The following COL3A1 variants were observed in gnomAD, a reference collection of about 807,000 sequenced individuals.
The protein encoded by COL3A1 is collagen type III alpha 1 chain, also known as collagen alpha-1(III) chain.
A neutral mutation model predicts 200.9 loss-of-function variants in COL3A1; 46 were observed. That is an observed-to-expected ratio of 0.23 (90% CI 0.18 to 0.29). The LOEUF is 0.29. COL3A1 is among the 10% of genes least tolerant of loss of function. The pLI is 1.00. For missense variants in COL3A1, 1,367 were observed against 1,917.6 expected, an observed-to-expected ratio of 0.71 and a Z score of 5.36; for synonymous variants, 650 against 628.0, an observed-to-expected ratio of 1.03 and a Z score of -0.52.
chr2:188,992,970 A>C (rs1004589157), intron 15 of COL3A1, 30 bp downstream of exon 15: 2 of 1,605,516 alleles, frequency 1.2e-6, no homozygotes, highest in Admixed American at 3.3e-5. Context: ...GAAGGGTATA[A>C]AAATATCTTG....
At chr2:189,010,101 C>T in intron 48 of COL3A1, 77 bp from the exon 49 acceptor site, 1 of 1,416,772 alleles carries the variant, frequency 7.1e-7, no homozygotes, top group Non-Finnish European at 1.0e-6. Flanking sequence ...TTATGAATGC[C>T]TTTACAGGTA....
chr2:189,003,334 G>A (rs1228395103), intron 36 of COL3A1, 77 bp from the exon 37 acceptor site: 4 of 1,312,658 alleles, frequency 3.0e-6, no homozygotes, highest in Non-Finnish European at 3.3e-6. Flanking sequence ...AGAGTTCCTG[G>A]TTTTCAAAGG....
rs1400905113 is a variant in COL3A1 at position 189,007,622 on chromosome 2, T to C, written c.3363+15T>C. 1 of 1,598,806 alleles carries C rather than the reference T, an allele frequency of 6.3e-7. No individual in the cohort carries two copies. The highest frequency in any genetic ancestry group is 1.7e-5 in the Admixed American group (1 of 59,122). Reference sequence around the variant, plus strand: ...CAGGTTCTCCAGTAAGTGCATTCATTTTGTTGGAAAATCCCTTCAATGTAT... The same window carrying C: ...CAGGTTCTCCAGTAAGTGCATTCATCTTGTTGGAAAATCCCTTCAATGTAT... On this transcript the variant is annotated intron_variant, in intron 45 of 50. Transcript: ENST00000304636.
chr2:189,000,847 TTAAG>T (rs1435026332), intron 32 of COL3A1, among the ~76,000 whole-genome samples: 4 of 152,180 alleles, frequency 2.6e-5, no homozygotes, highest in African/African-American at 9.6e-5. Flanking sequence ...ATGATTATAA[TTAAG>T]TCTTTTAATA....
chr2:189,001,281 T>C, intron 32 of COL3A1, 116 bp from the exon 33 acceptor site: 1 of 1,010,762 alleles, frequency 9.9e-7, no homozygotes, highest in East Asian at 2.5e-5. Flanking sequence ...ATAAAAATTT[T>C]TAAAAAGTAT....
chr2:189,001,169 A>G (rs182488406), intron 32 of COL3A1, among the ~76,000 whole-genome samples: 2 of 152,272 alleles, frequency 1.3e-5, no homozygotes, highest in East Asian at 3.9e-4. Flanking sequence ...TCAATAAACT[A>G]TTGCTGAATC....
In COL3A1 at chr2:188,994,076, C is replaced by A. The variant is rs745743884; in HGVS notation, c.1188C>A (p.Gly396=). The change falls in exon 17 of 51, where the codon GGC becomes GGA. Residue 396 remains glycine (G), a synonymous_variant. Coordinates refer to ENST00000304636, the MANE Select transcript of COL3A1 (RefSeq NM_000090.4). The surrounding 1 kb of genome is among the most constrained non-coding windows in gnomAD (Gnocchi z 4.5). ...TTAATGGTAGTCCTGGTGGTAAAGG[C>A]GAAATGGTAAGCTGTCCCCACTCCT... is the stretch of plus-strand genomic sequence containing the variant. The part of the protein sequence containing the change: ...PGINGSPGGK[G]EMGPAGIPGA... The A allele has an allele frequency of 1.9e-6, 3 of 1,614,044 alleles. No homozygotes were observed. Among genetic ancestry groups the A allele is most frequent in the African/African-American group, 1.3e-5 (1 of 75,016 alleles).
chr2:188,990,385 A>G lies in COL3A1; in HGVS notation c.798+25A>G, dbSNP rs200056946. The G allele has an allele frequency of 3.1e-6, 5 of 1,602,166 alleles. No individual in the cohort carries two copies. The East Asian group carries it at 6.7e-5, about 21-fold the overall frequency. On this transcript the variant is annotated intron_variant, in intron 10 of 50. Transcript: ENST00000304636. ...AGTAAGTAGAGTTTCTAAGTTGTTT[A>G]CAAGGTATTCCACTGGGCTATGTTT...
rs750772297 is a variant in COL3A1 at position 189,010,239 on chromosome 2, T to G, written c.3885T>G (p.Asn1295Lys). Residue 1295 changes from asparagine (N) to lysine (K), a missense_variant, in exon 49 of 51, where the codon AAT (asparagine) becomes AAG (lysine). Transcript: ENST00000304636. ...TGGATGCTATCAAGGTATTCTGTAA[T>G]ATGGAAACTGGGGAAACATGCATAA... ...CKLDAIKVFC[N>K]METGETCISA... is the part of the protein sequence containing the mutation. 6.2e-7 allele frequency: 1 copy of G among 1,614,176 alleles called. No homozygotes were observed. The highest frequency in any genetic ancestry group is 1.7e-5 in the Admixed American group (1 of 60,022).
At chr2:188,992,582 C>T (rs1688211681) in intron 14 of COL3A1, among the ~76,000 whole-genome samples, 1 of 151,990 alleles carries the variant, frequency 6.6e-6, no homozygotes, top group Admixed American at 6.6e-5. Flanking sequence ...AAGAGTCCTA[C>T]AAAATGGATA....
In COL3A1 at chr2:188,994,554, A is replaced by G. The variant is rs751471411; in HGVS notation, c.1307A>G (p.Lys436Arg). The change falls in exon 19 of 51, where the codon AAG (lysine) becomes AGG (arginine). Residue 436 changes from lysine to arginine, a missense_variant. Physicochemically the swap from Lys to Arg is conservative, Grantham distance 26. Around this residue, in one of 5 missense-constraint regions of COL3A1, gnomAD observed 462 missense variants for 681.4 expected, o/e 0.68. Coordinates refer to ENST00000304636, the MANE Select transcript of COL3A1 (RefSeq NM_000090.4). This position sits in a 1 kb window ranked among gnomAD's most constrained non-coding sequence, Gnocchi z 4.5. ...GLRGGAGEPG[K>R]NGAKGEPGPR... ...GTTATACTTTAGGGTGAGCCTGGTAAGAATGGTGCCAAAGGAGAGCCCGGA... is the reference window on the plus strand; with the variant it reads ...GTTATACTTTAGGGTGAGCCTGGTAGGAATGGTGCCAAAGGAGAGCCCGGA... 9.3e-6 allele frequency: 15 copies of G among 1,614,056 alleles called. No individual in the cohort carries two copies. The highest frequency in any genetic ancestry group is 1.3e-5 in the Non-Finnish European group (15 of 1,180,044).
chr2:188,996,598 C>A, intron 24 of COL3A1, 102 bp downstream of exon 24: 1 of 920,554 alleles, frequency 1.1e-6, no homozygotes, highest in Non-Finnish European at 1.7e-6. Context: ...CTCTTCAAAG[C>A]ATGGAGGAGT....
intron 35 of COL3A1, 34 bp downstream of exon 35, chr2:189,002,385 A>C (rs559939962): frequency 6.3e-7 from 1 of 1,593,570 alleles, no homozygotes; most frequent in Admixed American, 1.7e-5. Flanking sequence ...CATGTCCCAT[A>C]GCCCAGGATC....
chr2:189,008,398 A>G (rs1688644695), intron 47 of COL3A1: 1 of 515,004 alleles, frequency 1.9e-6, no homozygotes, highest in Non-Finnish European at 3.5e-6. Context: ...CAATTAACCA[A>G]ATAAACCCTG....
rs574831241 is a variant in COL3A1 at position 188,993,385 on chromosome 2, C to G, written c.1075C>G (p.Pro359Ala). 4.5e-6 allele frequency: 7 copies of G among 1,570,980 alleles called. No homozygotes were observed. The South Asian group carries it at 4.7e-5, about 11-fold the overall frequency. Residue 359 changes from proline to alanine, a missense_variant, in exon 16 of 51, where the codon CCT (proline) becomes GCT (alanine). By Grantham distance (27) the Pro-to-Ala change is conservative. Coordinates refer to ENST00000304636, the MANE Select transcript of COL3A1 (RefSeq NM_000090.4). ...GGGTGAAGTTGGACCTGCAGGGTCT[C>G]CTGGTTCAAATGGTGCCCCTGGACA... ...AKGEVGPAGS[P>A]GSNGAPGQRG... is the part of the protein sequence containing the mutation.
At position 189,007,865 on chromosome 2, in the gene COL3A1, T is replaced by C. The variant is rs927047940; in HGVS notation, c.3364-20T>C. Reference sequence around the variant, plus strand: ...GCTTTTTAAGGCCTTCACTCCTATGTACACTTCCTTTCTTTCCAGGGCCCT... The same window carrying C: ...GCTTTTTAAGGCCTTCACTCCTATGCACACTTCCTTTCTTTCCAGGGCCCT... On this transcript the variant is annotated intron_variant, in intron 45 of 50. Transcript: ENST00000304636. 5.0e-6 allele frequency: 8 copies of C among 1,613,650 alleles called. No homozygotes were observed. Among genetic ancestry groups the C allele is most frequent in the Non-Finnish European group, 6.8e-6 (8 of 1,180,000 alleles).
rs1261727131 is a variant in COL3A1, at chr2:188,974,489, C to T, written c.-1C>T. 1 of 1,612,894 alleles carries T rather than the reference C, an allele frequency of 6.2e-7. No individual in the cohort carries two copies. Among genetic ancestry groups the T allele is most frequent in the Non-Finnish European group, 8.5e-7 (1 of 1,178,924 alleles). On this transcript the variant is annotated 5_prime_UTR_variant, in exon 1 of 51. Coordinates refer to ENST00000304636, the MANE Select transcript of COL3A1 (RefSeq NM_000090.4). The stretch of plus-strand genomic sequence containing the variant: ...AAGAGTCTCATGTCTGATATTTAGA[C>T]ATGATGAGCTTTGTGCAAAAGGGGA...
Position 188,974,441 on chromosome 2 carries a change from T to G in COL3A1, c.-49T>G. 6.7e-7 allele frequency: 1 copy of G among 1,486,026 alleles called. No individual in the cohort carries two copies. Among genetic ancestry groups the G allele is most frequent in the Non-Finnish European group, 9.4e-7 (1 of 1,065,584 alleles). 92.1% of individuals were successfully genotyped at this position (1,486,026 alleles called of 1,614,324 possible). On this transcript the variant is annotated 5_prime_UTR_variant, in exon 1 of 51. Transcript: ENST00000304636. Reference sequence around the variant, plus strand: ...ACTTGATGGTGCTACTTTGAACTGCTTTTCTTTTCTCCTTTTTGCACAAAG... The same window carrying G: ...ACTTGATGGTGCTACTTTGAACTGCGTTTCTTTTCTCCTTTTTGCACAAAG...
chr2:188,985,156 A>G, intron 2 of COL3A1, 41 bp from the exon 3 acceptor site: 1 of 1,593,054 alleles, frequency 6.3e-7, no homozygotes, highest in Non-Finnish European at 8.6e-7. Flanking sequence ...TAATATGCAA[A>G]TTCTGTGTCT....
Sources: gnomAD v4.1 joint callset for allele counts (sites outside exome capture counted in the v4.1 genomes callset) on GRCh38, gnomAD v4.1.1 for gene constraint, gnomAD v4.1.1 regional missense constraint, Gnocchi (gnomAD v3.1) non-coding constraint, MANE v1.5 for transcripts, NCBI Gene and HGNC (gene_info 2026-07-23, HGNC 2026-07-21) for gene names.